Variants in ENO4 observed in about 807,000 individuals in gnomAD.
ENO4 encodes enolase 4, also known as 2-phospho-D-glycerate hydro-lyase.
ENO4 carries 53 observed loss-of-function variants against 63.2 expected under a neutral mutation model. That is an observed-to-expected ratio of 0.84 (90% confidence interval 0.67 to 1.05). The LOEUF (loss-of-function observed/expected upper bound fraction) is 1.05. Among genes scored for constraint, ENO4 ranks in the 50% least tolerant of loss-of-function variants. ENO4 has a pLI of 0.00. For synonymous variants in ENO4, 266 were observed against 283.8 expected, an observed-to-expected ratio of 0.94 and a Z score of 0.63; for missense variants, 719 against 772.0, an observed-to-expected ratio of 0.93 and a Z score of 0.81.
chr10:116,879,850 GT>G lies in ENO4; in HGVS notation c.1606-13del, dbSNP rs758455659. 100 of 1,542,200 alleles carry G rather than the reference GT, an allele frequency of 6.5e-5. No individual in the cohort carries two copies. Among genetic ancestry groups the G allele is most frequent in the African/African-American group, 1.1e-4 (8 of 72,748 alleles). ...GACATGGCTCCTCCGTCTAAAATTAGTTTTTTCCCCCCTTTCAGGCTGTTGG... is the reference window on the plus strand; with the variant it reads ...GACATGGCTCCTCCGTCTAAAATTAGTTTTTCCCCCCTTTCAGGCTGTTGG... On this transcript the variant is annotated intron_variant, in intron 12 of 13. Transcript: ENST00000341276.
chr10:116,874,302 C>A, intron 10 of ENO4, 101 bp downstream of exon 10: 2 of 998,162 alleles, frequency 2.0e-6, no homozygotes, highest in Non-Finnish European at 2.8e-6. Flanking sequence ...ATATTTATAA[C>A]AAAACAGAGA....
chr10:116,875,561 T>TCACACACCACACACACACA (rs1554902988), intron 10 of ENO4, among the ~76,000 whole-genome samples: 48 of 148,014 alleles, frequency 3.2e-4, no homozygotes, highest in Non-Finnish European at 5.2e-4. Flanking sequence ...TCCAGGCTGG[T>TCACACACCACACACACACA]CACACACACA....
chr10:116,870,347 G>A (rs2133269222), intron 8 of ENO4, among the ~76,000 whole-genome samples: 1 of 152,288 alleles, frequency 6.6e-6, no homozygotes, highest in African/African-American at 2.4e-5. Context: ...TCCATCTTCA[G>A]TATTGCATCC....
chr10:116,895,070 T>C (rs79438462), intron 10 of ENO4, among the ~76,000 whole-genome samples: 4,098 of 151,798 alleles, frequency 0.027, 175 homozygotes, highest in African/African-American at 0.093. Context: ...TAAAAAGGCA[T>C]AGAATAAAGT....
chr10:116,910,370 G>T (rs542878872), intron 10 of ENO4, among the ~76,000 whole-genome samples: 3 of 152,310 alleles, frequency 2.0e-5, no homozygotes, highest in East Asian at 3.9e-4. Context: ...GGGGCAATTT[G>T]CCCTAAAAAA....
At chr10:116,857,384 T>TA (rs1459092255) in intron 3 of ENO4, among the ~76,000 whole-genome samples, 1 of 152,174 alleles carries the variant, frequency 6.6e-6, no homozygotes, top group East Asian at 1.9e-4. Flanking sequence ...CAGCCACAAC[T>TA]AAGTCTCCCA....
chr10:116,909,197 T>TA (rs1401884704), intron 10 of ENO4, among the ~76,000 whole-genome samples: 2 of 152,274 alleles, frequency 1.3e-5, no homozygotes, highest in Middle Eastern at 3.4e-3. Context: ...ATCTAGAACT[T>TA]AGATTTCCCA....
intron 7 of ENO4, among the ~76,000 whole-genome samples, chr10:116,867,947 T>C (rs1178770385): frequency 1.3e-5 from 2 of 152,346 alleles, no homozygotes; most frequent in East Asian, 1.9e-4. Flanking sequence ...GTGCATATAC[T>C]TGAGTGTGAA....
At position 116,862,845 on chromosome 10, in the gene ENO4, T is replaced by C. The variant is rs1157207174; in HGVS notation, c.983T>C (p.Ile328Thr). The C allele has an allele frequency of 1.3e-6, 2 of 1,545,968 alleles. No homozygotes were observed. The highest frequency in any genetic ancestry group is 1.7e-6 in the Non-Finnish European group (2 of 1,143,036). Reference protein sequence around the residue: ...MEMQKHINKIIEMPSPPKAET... With the variant: ...MEMQKHINKITEMPSPPKAET... ...ATGCAGAAACATATCAACAAAATAA[T>C]TGAAATGGTATGTAAAGAGATTCTA... The change falls in exon 7 of 14, where the codon ATT (isoleucine) becomes ACT (threonine). Residue 328 changes from isoleucine (I) to threonine (T), a missense_variant. By Grantham distance (89) the Ile-to-Thr change is moderately conservative. Coordinates refer to ENST00000341276, the MANE Select transcript of ENO4 (RefSeq NM_001242699.2).
intron 10 of ENO4, 53 bp downstream of exon 10, chr10:116,874,254 G>A: frequency 7.4e-7 from 1 of 1,350,492 alleles, no homozygotes; most frequent in Non-Finnish European, 1.0e-6. Context: ...CCATAAGATA[G>A]GCAGGACTCA....
chr10:116,860,637 A>G (rs1477567149), intron 4 of ENO4, among the ~76,000 whole-genome samples, 157 bp from the exon 5 acceptor site: 2 of 152,242 alleles, frequency 1.3e-5, no homozygotes, highest in African/African-American at 4.8e-5. Flanking sequence ...ATTATTTGAG[A>G]ATCTTAAGCA....
In ENO4 at chr10:116,861,040, C is replaced by T. The variant is rs1048917489; in HGVS notation, c.805-19C>T. 9.7e-6 allele frequency: 15 copies of T among 1,543,664 alleles called. No individual in the cohort carries two copies. The highest frequency in any genetic ancestry group is 8.5e-5 in the South Asian group (7 of 82,734). The stretch of plus-strand genomic sequence containing the variant: ...ATGAACCCTGTTTCTCATTTTCCCT[C>T]GTTTTCCCCCTATTTCAGGAACAGC... On this transcript the variant is annotated intron_variant, in intron 5 of 13. Transcript: ENST00000341276.
At chr10:116,892,067 T>C (rs891687952) in intron 10 of ENO4, among the ~76,000 whole-genome samples, 5 of 152,216 alleles carry the variant, frequency 3.3e-5, no homozygotes, top group African/African-American at 1.2e-4. Context: ...GAATTCCTTT[T>C]TAACATAGGT....
intron 8 of ENO4, among the ~76,000 whole-genome samples, chr10:116,869,062 T>C (rs989092088): frequency 6.6e-6 from 1 of 152,172 alleles, no homozygotes; most frequent in African/African-American, 2.4e-5. Context: ...CATTTTATTA[T>C]TAACAAAGAG....
At chr10:116,869,147 G>A (rs766884219) in intron 8 of ENO4, among the ~76,000 whole-genome samples, 8 of 152,160 alleles carry the variant, frequency 5.3e-5, no homozygotes, top group South Asian at 2.1e-4. Flanking sequence ...CATTTCTGAC[G>A]AACCATTGCA....
intron 10 of ENO4, chr10:116,900,913 T>C (rs1343093683): frequency 4.1e-6 from 4 of 985,470 alleles, no homozygotes; most frequent in Non-Finnish European, 4.8e-6. Flanking sequence ...AAAATACCAG[T>C]TGGCAAAAAT....
At chr10:116,862,137 A>G (rs1393203763) in intron 6 of ENO4, among the ~76,000 whole-genome samples, 1 of 152,150 alleles carries the variant, frequency 6.6e-6, no homozygotes. Context: ...AATCCAGACT[A>G]CCTTGGTGAT....
chr10:116,859,204 T>C, intron 4 of ENO4, 66 bp downstream of exon 4: 1 of 1,433,146 alleles, frequency 7.0e-7, no homozygotes, highest in Non-Finnish European at 9.1e-7. Flanking sequence ...GGCTGAAGCC[T>C]GGACTGCCTT....
chr10:116,887,581 G>T (rs150605627), downstream of ENO4, among the ~76,000 whole-genome samples: 167 of 152,270 alleles, frequency 1.1e-3, no homozygotes, highest in African/African-American at 3.7e-3. Flanking sequence ...CCCTCACCAG[G>T]AGTTGGTTTC....
Sources: allele counts gnomAD v4.1 joint callset (sites outside exome capture counted in the v4.1 genomes callset), GRCh38; gene constraint gnomAD v4.1.1; transcripts MANE v1.5; gene names NCBI Gene and HGNC (gene_info 2026-07-23, HGNC 2026-07-21).